Variants in GJE1 observed in about 807,000 individuals in gnomAD.
GJE1 encodes gap junction epsilon-1 protein.
A neutral mutation model predicts 6.2 loss-of-function variants in GJE1; 9 were observed. The observed-to-expected ratio is 1.45, with a 90% confidence interval of 0.87 to 2.52. GJE1 has a LOEUF of 2.52. Ranked by LOEUF, GJE1 falls within the 30% of genes most tolerant of loss-of-function variation. The pLI, the probability that GJE1 is intolerant of heterozygous loss-of-function variation, is 0.00. For missense variants in GJE1, 190 were observed against 87.7 expected, an observed-to-expected ratio of 2.17 and a Z score of -4.66; for synonymous variants, 65 against 30.1, an observed-to-expected ratio of 2.16 and a Z score of -3.80.
chr6:142,134,869 G>T, exon 3 of GJE1: 1 of 627,532 alleles, frequency 1.6e-6, no homozygotes, highest in Non-Finnish European at 2.8e-6. Context: ...ATTATTTGTT[G>T]CTGAGATTTT....
At chr6:142,133,502 A>T (rs1313074189) in intron 1 of GJE1, among the ~76,000 whole-genome samples, 1 of 152,210 alleles carries the variant, frequency 6.6e-6, no homozygotes, top group East Asian at 1.9e-4. Flanking sequence ...GACTGAGCTT[A>T]CTACTGGATT....
rs1436132196 is a variant in GJE1, at chr6:142,133,794, T to C, written c.40-56T>C. ...AATGTGATATAAGGATTTTTTTAAA[T>C]GTCCTCCTTTAATGTTTGTGTTTAA... On this transcript the variant is annotated intron_variant, in intron 1 of 2. Coordinates refer to ENST00000450456, the Ensembl canonical transcript of GJE1. 7.3e-6 allele frequency: 4 copies of C among 551,028 alleles called. No individual in the cohort carries two copies. The East Asian group carries it at 1.1e-4, about 16-fold the overall frequency. The allele number at this position is 551,028 out of a possible 1,614,324, so 34.1% of individuals were successfully genotyped here.
intron 1 of GJE1, among the ~76,000 whole-genome samples, chr6:142,133,464 CATT>C (rs1380853779): frequency 6.6e-6 from 1 of 152,118 alleles, no homozygotes; most frequent in Non-Finnish European, 1.5e-5. Flanking sequence ...AATTAATAAA[CATT>C]ATTTGGTTGT....
chr6:142,133,627 A>AT (rs1778187489), intron 1 of GJE1, among the ~76,000 whole-genome samples: 2 of 152,148 alleles, frequency 1.3e-5, no homozygotes, highest in Admixed American at 1.3e-4. Context: ...AAAATTACAC[A>AT]TTTGATTAGC....
intron 1 of GJE1, 33 bp downstream of exon 1, chr6:142,133,230 T>C: frequency 1.6e-6 from 1 of 638,070 alleles, no homozygotes; most frequent in Non-Finnish European, 2.8e-6. Flanking sequence ...ATCAATTGTA[T>C]GAGTCTTTTC....
At chr6:142,135,259 A>C (rs906540098), downstream of GJE1, 1 of 156,118 alleles carries the variant, frequency 6.4e-6, no homozygotes, top group African/African-American at 2.4e-5. Context: ...ATTGATGCTC[A>C]TGAGGGTTAA....
In GJE1 at chr6:142,133,953, C is replaced by T. The variant is rs187417853; in HGVS notation, c.143C>T (p.Ala48Val). The T allele has an allele frequency of 4.0e-4, 281 of 702,526 alleles. 1 individual carries two copies. In the East Asian group the frequency reaches 7.4e-3, roughly 19 times the overall value. 43.5% of individuals were successfully genotyped at this position (702,526 alleles called of 1,614,324 possible). ...GGCTTTGCAGTTTATGGGAATGAGG[C>T]CTTGCACTTCATTTGCGATCCAGAC... is the stretch of plus-strand genomic sequence containing the variant. Residue 48 changes from alanine to valine, a missense_variant, in exon 2 of 3, where the codon GCC becomes GTC. Coordinates refer to ENST00000450456, the Ensembl canonical transcript of GJE1.
chr6:142,133,770 A>T (rs1778191658), intron 1 of GJE1, 80 bp from the exon 2 acceptor site: 1 of 529,950 alleles, frequency 1.9e-6, no homozygotes, highest in African/African-American at 1.9e-5. Flanking sequence ...CATTTTTTAA[A>T]TGTGATATAA....
exon 3 of GJE1, chr6:142,134,847 AATT>A (rs1286772872): frequency 1.5e-6 from 1 of 647,996 alleles, no homozygotes; most frequent in Non-Finnish European, 2.7e-6. Context: ...CATTTACAAC[AATT>A]ACAATTTTAT....
upstream of GJE1, chr6:142,133,053 T>C: frequency 1.9e-6 from 1 of 523,048 alleles, no homozygotes; most frequent in Non-Finnish European, 3.5e-6. Context: ...TGTTTTCTGC[T>C]GTAAGAGTCC....
chr6:142,134,536 T>G lies in GJE1; in HGVS notation c.235-3T>G, dbSNP rs890396899. 51 of 540,708 alleles carry G rather than the reference T, an allele frequency of 9.4e-5. No homozygotes were observed. The highest frequency in any genetic ancestry group is 1.6e-4 in the Non-Finnish European group (48 of 308,560). The allele number at this position is 540,708 out of a possible 1,614,324, so 33.5% of individuals were successfully genotyped here. ...TATTTCTGACATACTTTAGGTGTTCTAGGCATTACAACTAGTTATTGTCCT... is the reference window on the plus strand; with the variant it reads ...TATTTCTGACATACTTTAGGTGTTCGAGGCATTACAACTAGTTATTGTCCT... On this transcript the variant is annotated splice_region_variant and splice_polypyrimidine_tract_variant and intron_variant, in intron 2 of 2. Coordinates refer to ENST00000450456, the Ensembl canonical transcript of GJE1.
At chr6:142,133,621 T>C (rs1013653418) in intron 1 of GJE1, among the ~76,000 whole-genome samples, 5 of 152,158 alleles carry the variant, frequency 3.3e-5, no homozygotes, top group African/African-American at 1.2e-4. Context: ...ATTTCCAAAA[T>C]TACACATTTG....
chr6:142,135,048 T>C (rs921685135), exon 3 of GJE1: 39 of 439,718 alleles, frequency 8.9e-5, no homozygotes, highest in African/African-American at 6.9e-4. Context: ...TACTATAAAA[T>C]ATAGTGCCTG....
chr6:142,134,402 C>T, intron 2 of GJE1, 137 bp from the exon 3 acceptor site: 1 of 451,732 alleles, frequency 2.2e-6, no homozygotes. Flanking sequence ...TATTAAGACA[C>T]ATATAAGATT....
chr6:142,133,728 G>A (rs1164649902), intron 1 of GJE1, 122 bp from the exon 2 acceptor site: 1 of 521,540 alleles, frequency 1.9e-6, no homozygotes, highest in Non-Finnish European at 3.4e-6. Context: ...ATCTCTAAGG[G>A]TCTATTTGGC....
In GJE1 at chr6:142,135,061, TGTAAG is replaced by T; in HGVS notation, c.*146_*150del. ...TCTACTATAAAATATAGTGCCTGGT[TGTAAG>T]GTAAGGATTCTTGAAGAAATATTTC... On this transcript the variant is annotated 3_prime_UTR_variant, in exon 3 of 3. Coordinates refer to ENST00000450456, the Ensembl canonical transcript of GJE1. 5 of 410,742 alleles carry T rather than the reference TGTAAG, an allele frequency of 1.2e-5. 1 individual carries two copies. In the East Asian group the frequency reaches 1.4e-4, roughly 12 times the overall value. The allele number at this position is 410,742 out of a possible 1,614,324, so 25.4% of individuals were successfully genotyped here. A position where few individuals can be genotyped will look rare whatever the true frequency, so the allele number is the denominator to read the frequency against.
chr6:142,134,124 C>A (rs1348342981), intron 2 of GJE1, 80 bp downstream of exon 2: 2 of 514,572 alleles, frequency 3.9e-6, no homozygotes, highest in Non-Finnish European at 7.0e-6. Context: ...GAGAAATACC[C>A]TAACAGGTTT....
At chr6:142,134,766 G>A (rs1257860793) in exon 3 of GJE1, 2 of 689,524 alleles carry the variant, frequency 2.9e-6, no homozygotes, top group East Asian at 2.7e-5. Context: ...GATCTCTTGG[G>A]GAAAACATGA....
Position 142,134,045 on chromosome 6 carries a change from G to C in GJE1, c.234+1G>C. On this transcript the variant is annotated splice_donor_variant, in intron 2 of 2. Coordinates refer to ENST00000450456, the Ensembl canonical transcript of GJE1. LOFTEE classifies it high-confidence loss of function. ...AATCACTCCACAAGTAAGTTTTTCT[G>C]TGTGCACATAAACATTAACTCTACA... 1.5e-6 allele frequency: 1 copy of C among 671,924 alleles called. No homozygotes were observed. Among genetic ancestry groups the C allele is most frequent in the Non-Finnish European group, 2.7e-6 (1 of 363,946 alleles). 41.6% of individuals were successfully genotyped at this position (671,924 alleles called of 1,614,324 possible).
Sources: gnomAD v4.1 joint callset for allele counts (sites outside exome capture counted in the v4.1 genomes callset) on GRCh38, gnomAD v4.1.1 for gene constraint, MANE v1.5 for transcripts, NCBI Gene and HGNC (gene_info 2026-07-23, HGNC 2026-07-21) for gene names.